LARP4B: variants seen among roughly 807,000 people sequenced by gnomAD.
LARP4B encodes the protein La ribonucleoprotein 4B.
Under a neutral mutation model 89.8 loss-of-function variants are expected in LARP4B, and 12 were observed. The observed-to-expected ratio is 0.13, with a 90% CI of 0.09 to 0.22. LARP4B has a LOEUF of 0.22. Among genes scored for constraint, LARP4B ranks in the 10% least tolerant of loss-of-function variants. The pLI, the probability that LARP4B is intolerant of heterozygous loss-of-function variation, is 1.00. For synonymous variants in LARP4B, 367 were observed against 363.3 expected (o/e 1.01, Z -0.12); for missense variants, 757 against 947.7 (o/e 0.80, Z 2.64).
intron 5 of LARP4B, among the ~76,000 whole-genome samples, chr10:862,256 T>TAAAA (rs10661482): frequency 0.035 from 2,925 of 83,348 alleles, 47 homozygotes; most frequent in African/African-American, 0.071. Flanking sequence ...CCACTGAAGT[T>TAAAA]AAAAAAAAAA....
At chr10:869,903 TAAATAATAATAATAA>T (rs1564420460) in intron 3 of LARP4B, 1 of 179,888 alleles carries the variant, frequency 5.6e-6, no homozygotes, top group Non-Finnish European at 7.5e-6. Flanking sequence ...TCTCAAAAAA[TAAATAATAATAATAA>T]TAATAATAAT....
At chr10:913,362 G>C (rs1331304625) in intron 1 of LARP4B, among the ~76,000 whole-genome samples, 2 of 152,162 alleles carry the variant, frequency 1.3e-5, no homozygotes, top group Non-Finnish European at 2.9e-5. Flanking sequence ...CAAAATATAT[G>C]AAACACCTCT....
chr10:886,087 T>C (rs980363466), intron 1 of LARP4B, among the ~76,000 whole-genome samples: 1 of 152,048 alleles, frequency 6.6e-6, no homozygotes, highest in Non-Finnish European at 1.5e-5. Flanking sequence ...ATATCCAAGA[T>C]ATATAAGGAA....
At chr10:987,718 G>C in the LARP4B span, 5 of 152,374 alleles carry the variant, frequency 3.3e-5, no homozygotes, top group East Asian at 9.6e-4. Context: ...AGCAGTAAAG[G>C]CTCCATCCTC....
At chr10:903,816 G>C (rs1370032818) in intron 1 of LARP4B, among the ~76,000 whole-genome samples, 1 of 152,196 alleles carries the variant, frequency 6.6e-6, no homozygotes, top group Non-Finnish European at 1.5e-5. Flanking sequence ...GTAAGATGGG[G>C]AAGTGGTGAG....
At chr10:847,404 G>C (rs117024580) in intron 5 of LARP4B, among the ~76,000 whole-genome samples, 4,036 of 152,134 alleles carry the variant, frequency 0.027, 75 homozygotes, top group Middle Eastern at 0.045. Context: ...ACAGGGGCTA[G>C]GTTAACTTTC....
chr10:925,850 T>C (rs1736247138), intron 1 of LARP4B, among the ~76,000 whole-genome samples: 1 of 152,244 alleles, frequency 6.6e-6, no homozygotes, highest in South Asian at 2.1e-4. Context: ...GGGCACGTTT[T>C]TAAAGACTGA....
intron 1 of LARP4B, among the ~76,000 whole-genome samples, chr10:894,855 C>G (rs868857880): frequency 3.3e-5 from 5 of 152,164 alleles, no homozygotes; most frequent in South Asian, 2.1e-4. Context: ...AACTGAGGAT[C>G]ACTATAGTAT....
chr10:888,352 AC>A, intron 1 of LARP4B, among the ~76,000 whole-genome samples: 1 of 136,934 alleles, frequency 7.3e-6, no homozygotes, highest in Middle Eastern at 3.7e-3. Context: ...AAAAAAAAAC[AC>A]ACACACACAC....
Position 817,851 on chromosome 10 carries a change from C to A in LARP4B, c.1569G>T (p.Pro523=), listed in dbSNP as rs138729532. Residue 523 remains proline (P), a synonymous_variant, in exon 15 of 18, where the codon CCG becomes CCT. Coordinates refer to ENST00000316157, the MANE Select transcript of LARP4B (RefSeq NM_015155.3). Reference sequence around the variant, plus strand: ...ACAGCCCCAGCTCGAAGCTTGGCGACGGAGGCTTTGGTGGCGTTGGAGACT... The same window carrying A: ...ACAGCCCCAGCTCGAAGCTTGGCGAAGGAGGCTTTGGTGGCGTTGGAGACT... The part of the protein sequence containing the change: ...QTQSPTPPKP[P]SPSFELGLSS... 267 of 1,614,120 alleles carry A rather than the reference C, an allele frequency of 1.7e-4. No individual in the cohort carries two copies. Among genetic ancestry groups the A allele is most frequent in the Non-Finnish European group, 2.1e-4 (247 of 1,179,998 alleles).
intron 5 of LARP4B, among the ~76,000 whole-genome samples, chr10:850,646 C>T (rs2131775051): frequency 6.6e-6 from 1 of 152,210 alleles, no homozygotes; most frequent in African/African-American, 2.4e-5. Context: ...AAATATTCCC[C>T]ATAGCAACAG....
chr10:883,495 A>C (rs1295363004), intron 3 of LARP4B, among the ~76,000 whole-genome samples: 2 of 152,184 alleles, frequency 1.3e-5, no homozygotes, highest in East Asian at 3.8e-4. Flanking sequence ...GGGCAACAAG[A>C]GGGAAACTCT....
rs557423414 is a variant in LARP4B at position 858,503 on chromosome 10, G to A, written c.430+5240C>T. Among the ~76,000 whole-genome samples the A allele has an allele frequency of 2.0e-3, 299 of 152,220 alleles. 1 individual carries two copies. The highest frequency in any genetic ancestry group is 6.8e-3 in the African/African-American group (281 of 41,514). On this transcript the variant is annotated intron_variant, in intron 5 of 17. Coordinates refer to ENST00000316157, the MANE Select transcript of LARP4B (RefSeq NM_015155.3). Reference sequence around the variant, plus strand: ...AATTCAACAATGTTATCTTAGATATGACACCAAAGGCATAGGCAGCCCAAC... The same window carrying A: ...AATTCAACAATGTTATCTTAGATATAACACCAAAGGCATAGGCAGCCCAAC...
chr10:901,077 G>A (rs1448548020), intron 1 of LARP4B, among the ~76,000 whole-genome samples: 1 of 151,052 alleles, frequency 6.6e-6, no homozygotes, highest in Non-Finnish European at 1.5e-5. Context: ...CTGCCACCAC[G>A]CCCGGCTAAT....
intron 9 of LARP4B, 48 bp from the exon 10 acceptor site, chr10:829,782 T>A: frequency 7.5e-7 from 1 of 1,337,762 alleles, no homozygotes; most frequent in Non-Finnish European, 1.1e-6. Flanking sequence ...ACCTTATGAA[T>A]AAGAGGCACC....
chr10:952,076 C>T, the LARP4B span, among the ~76,000 whole-genome samples: 1 of 151,674 alleles, frequency 6.6e-6, no homozygotes, highest in Non-Finnish European at 1.5e-5. Context: ...CAGTGGCTCA[C>T]GCCTATAATC....
chr10:924,791 G>T (rs1443305889), intron 1 of LARP4B, among the ~76,000 whole-genome samples: 1 of 152,156 alleles, frequency 6.6e-6, no homozygotes, highest in Non-Finnish European at 1.5e-5. Context: ...TTTCTTATTG[G>T]ATTATGTGAT....
Position 825,259 on chromosome 10 carries a change from C to T in LARP4B, c.1290G>A (p.Gly430=), listed in dbSNP as rs1832561071. 1 of 1,614,176 alleles carries T rather than the reference C, an allele frequency of 6.2e-7. No individual in the cohort carries two copies. The highest frequency in any genetic ancestry group is 8.5e-7 in the Non-Finnish European group (1 of 1,180,006). The change falls in exon 13 of 18, where the codon GGG becomes GGA. Residue 430 remains glycine (G), a synonymous_variant. Coordinates refer to ENST00000316157, the MANE Select transcript of LARP4B (RefSeq NM_015155.3). ...TAAATATTGAAGGACTTTCTAATAA[C>T]CCAGGTCCCCTCTCTGCACTAGGAA... ...HAIPSAERGP[G]LLESPSIFNF...
At chr10:967,595 C>A in the LARP4B span, among the ~76,000 whole-genome samples, 115,887 of 152,168 alleles carry the variant, frequency 0.76, 44,462 homozygotes, top group East Asian at 0.9. Flanking sequence ...GCCACGAAAT[C>A]GCAGAACTCT....
Sources: allele counts gnomAD v4.1 joint callset (sites outside exome capture counted in the v4.1 genomes callset), GRCh38; gene constraint gnomAD v4.1.1; transcripts MANE v1.5; gene names NCBI Gene and HGNC (gene_info 2026-07-23, HGNC 2026-07-21).